Variants in EMILIN2 observed in about 807,000 individuals in gnomAD.
EMILIN2 encodes the protein elastin microfibril interfacer 2.
In EMILIN2, 71 loss-of-function variants were observed where a neutral mutation model predicts 87.1. The ratio of observed to expected loss-of-function variants is 0.82; its 90% CI spans 0.67 to 0.99. The LOEUF is 0.99. Among genes scored for constraint, EMILIN2 ranks in the 50% least tolerant of loss-of-function variants. The pLI is 0.00. For missense variants in EMILIN2, 1,407 were observed against 1,371.8 expected, an observed-to-expected ratio of 1.03 and a Z score of -0.40; for synonymous variants, 581 against 563.4, an observed-to-expected ratio of 1.03 and a Z score of -0.44.
intron 4 of EMILIN2, among the ~76,000 whole-genome samples, chr18:2,898,810 A>C (rs1383319557): frequency 6.6e-6 from 1 of 152,238 alleles, no homozygotes; most frequent in Non-Finnish European, 1.5e-5. Flanking sequence ...ACTCAAAATC[A>C]GCTGAGTTTG....
chr18:2,862,219 C>G (rs1438715927), intron 2 of EMILIN2, among the ~76,000 whole-genome samples: 1 of 152,074 alleles, frequency 6.6e-6, no homozygotes, highest in African/African-American at 2.4e-5. Flanking sequence ...ATTGAATACC[C>G]TTTATTTCCT....
chr18:2,911,821 G>C (rs1235885025), intron 7 of EMILIN2, among the ~76,000 whole-genome samples: 1 of 152,168 alleles, frequency 6.6e-6, no homozygotes, highest in Non-Finnish European at 1.5e-5. Context: ...AATTCTGGGT[G>C]AACTGAGTGA....
rs1342752494 is a variant in EMILIN2, at chr18:2,891,757, G to A, written c.1630G>A (p.Asp544Asn). ...CATGATGGAATTAAACCACCTGAAG[G>A]ACAAAGTTCAAGTTGTTGAAGACAT... ...RVMMELNHLK[D>N]KVQVVEDICL... The change falls in exon 4 of 8, where the codon GAC becomes AAC. Residue 544 changes from aspartate (D) to asparagine (N), a missense_variant. Transcript: ENST00000254528. This position sits in a 1 kb window ranked among gnomAD's most constrained non-coding sequence, Gnocchi z 4.6. 2.5e-6 allele frequency: 4 copies of A among 1,614,066 alleles called. No individual in the cohort carries two copies. Among genetic ancestry groups the A allele is most frequent in the Non-Finnish European group, 3.4e-6 (4 of 1,180,050 alleles).
chr18:2,907,540 G>A (rs2076920635), intron 5 of EMILIN2, among the ~76,000 whole-genome samples: 1 of 152,234 alleles, frequency 6.6e-6, no homozygotes, highest in Non-Finnish European at 1.5e-5. Context: ...TGAGGAGAGT[G>A]CAGGACCTCA....
intron 2 of EMILIN2, among the ~76,000 whole-genome samples, chr18:2,858,557 A>ATG (rs1568454042): frequency 2.2e-4 from 12 of 54,526 alleles, no homozygotes; most frequent in Admixed American, 1.5e-3. Context: ...ATATATATAT[A>ATG]TATATATATA....
At position 2,892,284 on chromosome 18, in the gene EMILIN2, C is replaced by A. The variant is rs1452594399; in HGVS notation, c.2157C>A (p.Ile719=). Residue 719 remains isoleucine (I), a synonymous_variant, in exon 4 of 8, where the codon ATC becomes ATA. Transcript: ENST00000254528. ...AAACTTGCAGCAAGCTGGACTCTAT[C>A]TCAGGAAATCTTCAGAGGATCAAGG... ...MEKTCSKLDS[I]SGNLQRIKEG... is the part of the protein sequence containing the mutation. 1.2e-6 allele frequency: 2 copies of A among 1,614,148 alleles called. No individual in the cohort carries two copies. The highest frequency in any genetic ancestry group is 1.1e-5 in the South Asian group (1 of 91,082).
At chr18:2,869,772 G>GTGTGTGTGTT (rs2076709659) in intron 2 of EMILIN2, among the ~76,000 whole-genome samples, 1 of 48,376 alleles carries the variant, frequency 2.1e-5, no homozygotes, top group African/African-American at 5.9e-5. Flanking sequence ...ATTCCTCTGT[G>GTGTGTGTGTT]TGTGTGTGTG....
chr18:2,906,896 G>C lies in EMILIN2; in HGVS notation c.2473G>C (p.Val825Leu), dbSNP rs779093866. 1.4e-6 allele frequency: 2 copies of C among 1,393,726 alleles called. No homozygotes were observed. Among genetic ancestry groups the C allele is most frequent in the Admixed American group, 2.7e-5 (1 of 36,816 alleles). The allele number at this position is 1,393,726 out of a possible 1,614,324, so 86.3% of individuals were successfully genotyped here. A position where few individuals can be genotyped will look rare whatever the true frequency, so the allele number is the denominator to read the frequency against. ...ATAEDPGRRP[V>L]LPQRPPEERP... ...CGCAGAGGACCCTGGGCGACGGCCC[G>C]TCCTGCCCCAGCGGCCCCCCGAGGA... is the stretch of plus-strand genomic sequence containing the variant. Residue 825 changes from valine (V) to leucine (L), a missense_variant, in exon 5 of 8, where the codon GTC (valine) becomes CTC (leucine). Physicochemically the swap from Val to Leu is conservative, Grantham distance 32. Transcript: ENST00000254528.
intron 2 of EMILIN2, among the ~76,000 whole-genome samples, chr18:2,879,668 C>G (rs1192719594): frequency 6.6e-6 from 1 of 151,570 alleles, no homozygotes; most frequent in Non-Finnish European, 1.5e-5. Context: ...CCTCCCTGCC[C>G]CCAACACCCC....
intron 2 of EMILIN2, among the ~76,000 whole-genome samples, chr18:2,881,339 C>A (rs1417419649): frequency 6.6e-6 from 1 of 152,220 alleles, no homozygotes; most frequent in African/African-American, 2.4e-5. Flanking sequence ...GCGCCTCAAC[C>A]TGAACTCCCT....
At position 2,862,416 on chromosome 18, in the gene EMILIN2, C is replaced by G. The variant is rs900388316; in HGVS notation, c.257+14485C>G. On this transcript the variant is annotated intron_variant, in intron 2 of 7. Transcript: ENST00000254528. ...ATTTTGAGATACGTCCCATCAATACCTAAATCATTGAGAGCTTTTAGCATG... is the reference window on the plus strand; with the variant it reads ...ATTTTGAGATACGTCCCATCAATACGTAAATCATTGAGAGCTTTTAGCATG... Among the ~76,000 whole-genome samples the G allele has an allele frequency of 3.9e-5, 6 of 152,318 alleles. No individual in the cohort carries two copies. In the East Asian group the frequency reaches 1.2e-3, roughly 29 times the overall value.
chr18:2,892,061 A>C lies in EMILIN2; in HGVS notation c.1934A>C (p.Lys645Thr). The C allele has an allele frequency of 6.2e-7, 1 of 1,614,244 alleles. No homozygotes were observed. Among genetic ancestry groups the C allele is most frequent in the Non-Finnish European group, 8.5e-7 (1 of 1,180,050 alleles). ...AACGCTGGCATGGGTAGGTTCACTA[A>C]GGTGGGTGAGCAAGAAAGGACAGTG... ...GENAGMGRFT[K>T]VGEQERTVDT... Residue 645 changes from lysine to threonine, a missense_variant, in exon 4 of 8, where the codon AAG becomes ACG. Transcript: ENST00000254528.
Position 2,909,671 on chromosome 18 carries a change from C to G in EMILIN2, c.2696-20C>G, listed in dbSNP as rs778523940. 1 of 1,613,000 alleles carries G rather than the reference C, an allele frequency of 6.2e-7. No homozygotes were observed. Among genetic ancestry groups the G allele is most frequent in the Non-Finnish European group, 8.5e-7 (1 of 1,179,556 alleles). ...ACAGAAGCACCCGGGTCAATCCATT[C>G]CATCCTTTCTCTGCTCCAGGAGCTC... On this transcript the variant is annotated intron_variant, in intron 6 of 7. Transcript: ENST00000254528.
At chr18:2,908,558 T>C (rs1171066162) in intron 5 of EMILIN2, among the ~76,000 whole-genome samples, 2 of 152,242 alleles carry the variant, frequency 1.3e-5, no homozygotes, top group Non-Finnish European at 2.9e-5. Flanking sequence ...TAATAAGTAC[T>C]GCATTCAGTC....
In EMILIN2 at chr18:2,847,718, G is replaced by A. The variant is rs565301580; in HGVS notation, c.135-91G>A. On this transcript the variant is annotated intron_variant, in intron 1 of 7. Coordinates refer to ENST00000254528, the MANE Select transcript of EMILIN2 (RefSeq NM_032048.3). The surrounding 1 kb of genome is among the most constrained non-coding windows in gnomAD (Gnocchi z 4.5). ...AGGGCGACGGGCCCCCCCGACCCTC[G>A]CTCGGTCTGGTGCCGCAGTCCCCTC... 9 of 1,506,296 alleles carry A rather than the reference G, an allele frequency of 6.0e-6. No homozygotes were observed. The South Asian group carries it at 6.5e-5, about 11-fold the overall frequency. The allele number at this position is 1,506,296 out of a possible 1,614,324, so 93.3% of individuals were successfully genotyped here. A position where few individuals can be genotyped will look rare whatever the true frequency, so the allele number is the denominator to read the frequency against.
chr18:2,873,525 G>A (rs916722172), intron 2 of EMILIN2, among the ~76,000 whole-genome samples: 1 of 151,926 alleles, frequency 6.6e-6, no homozygotes. Flanking sequence ...GGCTAACACG[G>A]TGAAACCCCA....
At chr18:2,852,988 C>T (rs1175030352) in intron 2 of EMILIN2, among the ~76,000 whole-genome samples, 2 of 152,122 alleles carry the variant, frequency 1.3e-5, no homozygotes, top group African/African-American at 4.8e-5. Flanking sequence ...TGTCTTCCCT[C>T]TGTAAATTCC....
In EMILIN2 at chr18:2,906,918, A is replaced by T; in HGVS notation, c.2495A>T (p.Glu832Val). 3.6e-6 allele frequency: 5 copies of T among 1,396,080 alleles called. No homozygotes were observed. The highest frequency in any genetic ancestry group is 4.7e-6 in the Non-Finnish European group (5 of 1,072,470). The allele number at this position is 1,396,080 out of a possible 1,614,324, so 86.5% of individuals were successfully genotyped here. A position where few individuals can be genotyped will look rare whatever the true frequency, so the allele number is the denominator to read the frequency against. ...CCCGTCCTGCCCCAGCGGCCCCCCG[A>T]GGAGAGGCCGCCCCAGCCGCCAGGC... ...RRPVLPQRPP[E>V]ERPPQPPGST... Residue 832 changes from glutamate (E) to valine (V), a missense_variant, in exon 5 of 8, where the codon GAG becomes GTG. Transcript: ENST00000254528.
intron 2 of EMILIN2, among the ~76,000 whole-genome samples, chr18:2,870,522 G>C (rs11874225): frequency 0.082 from 12,472 of 152,244 alleles, 1,689 homozygotes; most frequent in African/African-American, 0.28. Flanking sequence ...TGAATTGAAA[G>C]ATAAACATAA....
Sources: allele counts gnomAD v4.1 joint callset (sites outside exome capture counted in the v4.1 genomes callset), GRCh38; gene constraint gnomAD v4.1.1; non-coding constraint Gnocchi (gnomAD v3.1); transcripts MANE v1.5; gene names NCBI Gene and HGNC (gene_info 2026-07-23, HGNC 2026-07-21).